KIAA1614: variants seen among roughly 807,000 people sequenced by gnomAD.
The protein encoded by KIAA1614 is KIAA1614, also known as uncharacterized protein KIAA1614.
KIAA1614 carries 76 observed loss-of-function variants against 88.7 expected under a neutral mutation model. That is an observed-to-expected ratio of 0.86 (90% CI 0.71 to 1.04). The LOEUF is 1.04. Ranked by LOEUF, KIAA1614 falls within the 50% of genes least tolerant of loss-of-function variation. The pLI is 0.00. For synonymous variants in KIAA1614, 714 were observed against 675.5 expected (o/e 1.06, Z -0.88); for missense variants, 1,553 against 1,582.5 (o/e 0.98, Z 0.32).
At chr1:180,943,823 C>T (rs1384601806) in intron 7 of KIAA1614, among the ~76,000 whole-genome samples, 1 of 152,078 alleles carries the variant, frequency 6.6e-6, no homozygotes, top group Non-Finnish European at 1.5e-5. Flanking sequence ...GCTGGGATTA[C>T]AGGCATGAGC....
At chr1:180,925,802 C>T (rs1469061228) in intron 3 of KIAA1614, among the ~76,000 whole-genome samples, 2 of 152,234 alleles carry the variant, frequency 1.3e-5, no homozygotes, top group Non-Finnish European at 2.9e-5. Context: ...TAGTTTTCCC[C>T]AACAATGAGC....
At chr1:180,915,551 A>T (rs563815200) in intron 1 of KIAA1614, among the ~76,000 whole-genome samples, 26 of 152,322 alleles carry the variant, frequency 1.7e-4, no homozygotes, top group African/African-American at 6.3e-4. Flanking sequence ...AAACTAGAAC[A>T]CTACTGAGAC....
chr1:180,921,716 G>A (rs192146904), intron 3 of KIAA1614, among the ~76,000 whole-genome samples: 11 of 152,302 alleles, frequency 7.2e-5, no homozygotes, highest in South Asian at 6.2e-4. Flanking sequence ...TTTTCTCCTA[G>A]GTCACTATTA....
intron 3 of KIAA1614, among the ~76,000 whole-genome samples, chr1:180,922,945 G>A (rs1473277507): frequency 6.6e-6 from 1 of 152,202 alleles, no homozygotes; most frequent in Non-Finnish European, 1.5e-5. Flanking sequence ...TATAAATCGG[G>A]GTTCCCACTG....
In KIAA1614 at chr1:180,916,861, A is replaced by G. The variant is rs781579473; in HGVS notation, c.758A>G (p.Asp253Gly). Reference sequence around the variant, plus strand: ...CCAGATGGCGTGGTGACAGAGGCAGATCTGGATAGCACATCCCTGACCTCC... The same window carrying G: ...CCAGATGGCGTGGTGACAGAGGCAGGTCTGGATAGCACATCCCTGACCTCC... ...PFPDGVVTEA[D>G]LDSTSLTSEE... The change falls in exon 2 of 9, where the codon GAT becomes GGT. Residue 253 changes from aspartate (D) to glycine (G), a missense_variant. Transcript: ENST00000367588. 1.2e-6 allele frequency: 2 copies of G among 1,614,230 alleles called. No homozygotes were observed. The highest frequency in any genetic ancestry group is 1.1e-5 in the South Asian group (1 of 91,088).
chr1:180,927,536 C>T (rs567543148), intron 3 of KIAA1614, among the ~76,000 whole-genome samples: 5 of 152,352 alleles, frequency 3.3e-5, no homozygotes, highest in East Asian at 3.9e-4. Context: ...CACCTGCCCT[C>T]GGCCAGCCTG....
At chr1:180,913,392 C>G in intron 1 of KIAA1614, 99 bp downstream of exon 1, 1 of 768,334 alleles carries the variant, frequency 1.3e-6, no homozygotes, top group East Asian at 3.5e-5. Context: ...CACTGGGAAG[C>G]GGGCCTCCCA....
At chr1:180,928,162 C>T in intron 3 of KIAA1614, 1 of 379,760 alleles carries the variant, frequency 2.6e-6, no homozygotes, top group Non-Finnish European at 4.7e-6. Flanking sequence ...CTCTTGAGGT[C>T]TCTGCCTCCA....
chr1:180,919,361 A>C (rs1008058433), intron 3 of KIAA1614, among the ~76,000 whole-genome samples: 2 of 151,714 alleles, frequency 1.3e-5, no homozygotes, highest in African/African-American at 2.4e-5. Context: ...CTGTTTCCAG[A>C]CCCTCCTCTG....
In KIAA1614 at chr1:180,938,701, G is replaced by T. The variant is rs1314625263; in HGVS notation, c.2908G>T (p.Val970Leu). The change falls in exon 6 of 9, where the codon GTG becomes TTG. Residue 970 changes from valine (V) to leucine (L), a missense_variant. By Grantham distance (32) the Val-to-Leu change is conservative. Transcript: ENST00000367588. The part of the protein sequence containing the change: ...QRTGSGSGGH[V>L]LSRASAGAGT... Reference sequence around the variant, plus strand: ...GACAGGGTCAGGATCTGGAGGACATGTGCTGTCAAGGTGAGTGACAGGAGA... The same window carrying T: ...GACAGGGTCAGGATCTGGAGGACATTTGCTGTCAAGGTGAGTGACAGGAGA... The T allele has an allele frequency of 2.5e-6, 4 of 1,613,906 alleles. No individual in the cohort carries two copies. In the South Asian group the frequency reaches 3.3e-5, roughly 13 times the overall value.
chr1:180,918,670 T>C (rs10914132), intron 3 of KIAA1614, among the ~76,000 whole-genome samples: 1 of 151,880 alleles, frequency 6.6e-6, no homozygotes, highest in African/African-American at 2.4e-5. Context: ...CTGTCTGGTG[T>C]TGTCAGCCCC....
intron 4 of KIAA1614, among the ~76,000 whole-genome samples, chr1:180,934,413 A>G (rs943263126): frequency 2.0e-5 from 3 of 151,948 alleles, no homozygotes; most frequent in African/African-American, 7.3e-5. Flanking sequence ...ACATAGTGAG[A>G]CCTCATCTAT....
chr1:180,922,077 G>A (rs141732392), intron 3 of KIAA1614, among the ~76,000 whole-genome samples: 2,102 of 152,358 alleles, frequency 0.014, 20 homozygotes, highest in Non-Finnish European at 0.022. Flanking sequence ...CGGCCAGCCC[G>A]AGGCCCTCGG....
chr1:180,944,278 C>A, intron 7 of KIAA1614, 111 bp from the exon 8 acceptor site: 2 of 1,083,272 alleles, frequency 1.8e-6, no homozygotes, highest in Non-Finnish European at 2.7e-6. Flanking sequence ...ATGATAAAAG[C>A]TTGTGCTGTC....
At chr1:180,934,665 C>T (rs1411281456) in intron 4 of KIAA1614, among the ~76,000 whole-genome samples, 1 of 152,184 alleles carries the variant, frequency 6.6e-6, no homozygotes, top group African/African-American at 2.4e-5. Context: ...TTAAAATATC[C>T]TGTTCCCGTG....
intron 3 of KIAA1614, among the ~76,000 whole-genome samples, chr1:180,919,747 G>A (rs1653912939): frequency 6.6e-6 from 1 of 152,172 alleles, no homozygotes; most frequent in Admixed American, 6.5e-5. Flanking sequence ...TCAACCATGG[G>A]GGAAGGAGGG....
intron 6 of KIAA1614, among the ~76,000 whole-genome samples, chr1:180,939,162 G>A (rs1043374375): frequency 1.3e-4 from 20 of 152,166 alleles, no homozygotes; most frequent in African/African-American, 3.9e-4. Flanking sequence ...CCTGGCCCTC[G>A]GGACCTCCTT....
Position 180,935,356 on chromosome 1 carries a change from G to T in KIAA1614, c.1447G>T (p.Ala483Ser). 3.4e-6 allele frequency: 5 copies of T among 1,465,640 alleles called. No individual in the cohort carries two copies. The highest frequency in any genetic ancestry group is 3.6e-6 in the Non-Finnish European group (4 of 1,113,942). The allele number at this position is 1,465,640 out of a possible 1,614,324, so 90.8% of individuals were successfully genotyped here. A position where few individuals can be genotyped will look rare whatever the true frequency, so the allele number is the denominator to read the frequency against. ...RQVLSTVLQA[A>S]DQGPLRSKPD... ...GGTGCTGAGCACCGTGTTGCAGGCC[G>T]CGGACCAGGGCCCCCTGCGCTCCAA... Residue 483 changes from alanine to serine, a missense_variant, in exon 5 of 9, where the codon GCG (alanine) becomes TCG (serine). Transcript: ENST00000367588. This position sits in a 1 kb window ranked among gnomAD's most constrained non-coding sequence, Gnocchi z 6.1.
At position 180,936,086 on chromosome 1, in the gene KIAA1614, GA is replaced by G. The variant is rs1420951764; in HGVS notation, c.2178del (p.Pro727GlnfsTer27). 2.5e-6 allele frequency: 4 copies of G among 1,614,096 alleles called. No individual in the cohort carries two copies. The highest frequency in any genetic ancestry group is 3.4e-6 in the Non-Finnish European group (4 of 1,180,034). On this transcript the variant is annotated frameshift_variant, in exon 5 of 9. Transcript: ENST00000367588. LOFTEE classifies it high-confidence loss of function. ...RVSLGPQWQP[G>X]PGLGSHQPHP... ...TCCCTGGGACCCCAGTGGCAGCCTG[GA>G]CCAGGGCTGGGAAGTCACCAGCCTC...
Sources: gnomAD v4.1 joint callset for allele counts (sites outside exome capture counted in the v4.1 genomes callset) on GRCh38, gnomAD v4.1.1 for gene constraint, Gnocchi (gnomAD v3.1) non-coding constraint, MANE v1.5 for transcripts, NCBI Gene and HGNC (gene_info 2026-07-23, HGNC 2026-07-21) for gene names.